Variants in SMOC2 observed in about 807,000 individuals in gnomAD.
SMOC2 encodes the protein SPARC related modular calcium binding 2.
SMOC2 carries 39 observed loss-of-function variants against 61.4 expected under a neutral mutation model. The observed-to-expected ratio is 0.64, with a 90% CI of 0.49 to 0.83. The LOEUF (loss-of-function observed/expected upper bound fraction) is 0.83. Among genes scored for constraint, SMOC2 ranks in the 40% least tolerant of loss-of-function variants. The probability of loss-of-function intolerance (pLI) is 0.00; values close to 1 mark genes in which losing one functional copy is unlikely to be tolerated. For synonymous variants in SMOC2, 247 were observed against 239.9 expected (o/e 1.03, Z -0.27); for missense variants, 556 against 592.9 (o/e 0.94, Z 0.65).
intron 11 of SMOC2, among the ~76,000 whole-genome samples, chr6:168,658,343 C>G (rs1173174543): frequency 6.6e-6 from 1 of 152,192 alleles, no homozygotes; most frequent in Non-Finnish European, 1.5e-5. Flanking sequence ...CTGTAGAAGG[C>G]TAATTTTTAT....
chr6:168,657,260 C>T lies in SMOC2; in HGVS notation c.1285+4032C>T, dbSNP rs1036031261. 3.1e-4 allele frequency among the ~76,000 whole-genome samples: 47 copies of T among 152,236 alleles called. 1 individual carries two copies. Among genetic ancestry groups the T allele is most frequent in the East Asian group, 5.8e-4 (3 of 5,180 alleles). On this transcript the variant is annotated intron_variant, in intron 11 of 12. Transcript: ENST00000356284. ...GAGGTCACAGACAGATGCTGCCATC[C>T]CTGACACTTGCAGACAAGGACACAC...
intron 8 of SMOC2, among the ~76,000 whole-genome samples, chr6:168,599,829 GC>G (rs1248484099): frequency 1.7e-4 from 5 of 29,286 alleles, no homozygotes; most frequent in Admixed American, 1.4e-3. Context: ...ACACACACAC[GC>G]CCCCCACACC....
At chr6:168,563,890 G>T (rs1270032923) in intron 7 of SMOC2, among the ~76,000 whole-genome samples, 3 of 152,196 alleles carry the variant, frequency 2.0e-5, no homozygotes, top group African/African-American at 4.8e-5. Context: ...GCAGAGCTCT[G>T]CGTCTCCGGC....
chr6:168,630,809 G>A (rs1029633176), intron 9 of SMOC2, among the ~76,000 whole-genome samples: 4 of 152,162 alleles, frequency 2.6e-5, no homozygotes, highest in East Asian at 1.9e-4. Flanking sequence ...TCTTACAGTC[G>A]AGATTGCAGA....
chr6:168,468,216 G>A (rs539334731), intron 1 of SMOC2, among the ~76,000 whole-genome samples: 14 of 152,262 alleles, frequency 9.2e-5, no homozygotes, highest in African/African-American at 2.9e-4. Flanking sequence ...GATTTATATC[G>A]AGGGACACAG....
chr6:168,599,106 AG>A, intron 8 of SMOC2, 102 bp downstream of exon 8: 1 of 1,046,010 alleles, frequency 9.6e-7, no homozygotes, highest in Non-Finnish European at 1.4e-6. Flanking sequence ...ACCGACACAC[AG>A]TCACACACAC....
chr6:168,596,399 G>A (rs1354078844), intron 7 of SMOC2, among the ~76,000 whole-genome samples: 2 of 149,962 alleles, frequency 1.3e-5, no homozygotes, highest in African/African-American at 2.5e-5. Flanking sequence ...CAGGTGCCAT[G>A]TGAACACGGC....
In SMOC2 at chr6:168,491,629, A is replaced by C. The variant is rs920360902; in HGVS notation, c.85-18286A>C. ...GATAATAACAATAAACTATTTAATA[A>C]AAATTTAAACCAAAACATTAATTTG... On this transcript the variant is annotated intron_variant, in intron 1 of 12. Coordinates refer to ENST00000356284, the MANE Select transcript of SMOC2 (RefSeq NM_001166412.2). Among the ~76,000 whole-genome samples the C allele has an allele frequency of 2.0e-5, 3 of 152,362 alleles. No homozygotes were observed. The East Asian group carries it at 5.8e-4, about 29-fold the overall frequency.
chr6:168,609,917 G>A (rs1278296061), intron 9 of SMOC2, among the ~76,000 whole-genome samples: 2 of 152,088 alleles, frequency 1.3e-5, no homozygotes, highest in Non-Finnish European at 2.9e-5. Context: ...AGTCAGTTTC[G>A]CTTCTCATTG....
At chr6:168,599,318 CTG>C (rs1418207233) in intron 8 of SMOC2, among the ~76,000 whole-genome samples, 17 of 138,208 alleles carry the variant, frequency 1.2e-4, no homozygotes, top group South Asian at 6.9e-4. Flanking sequence ...CACCCCCACA[CTG>C]TTTCACACAC....
intron 9 of SMOC2, among the ~76,000 whole-genome samples, chr6:168,649,062 T>C (rs1356454452): frequency 1.3e-5 from 2 of 152,278 alleles, no homozygotes; most frequent in East Asian, 3.9e-4. Context: ...CAGCCTGTCC[T>C]GTTGCCTGAG....
At chr6:168,547,668 G>T (rs995280863) in intron 6 of SMOC2, among the ~76,000 whole-genome samples, 16 of 152,014 alleles carry the variant, frequency 1.1e-4, no homozygotes, top group African/African-American at 3.6e-4. Context: ...GATGTGAATT[G>T]CTTGGCTGTA....
intron 1 of SMOC2, among the ~76,000 whole-genome samples, chr6:168,494,022 G>C (rs1583055641): frequency 6.6e-6 from 1 of 152,264 alleles, no homozygotes; most frequent in East Asian, 1.9e-4. Flanking sequence ...TCATTCCGAT[G>C]CCATTGGAAC....
intron 9 of SMOC2, among the ~76,000 whole-genome samples, chr6:168,633,706 C>G (rs555154578): frequency 1.1e-4 from 17 of 152,256 alleles, no homozygotes; most frequent in South Asian, 8.3e-4. Flanking sequence ...GGTGTGAAAG[C>G]AGGAGGGTGT....
At chr6:168,600,480 AT>A (rs1444522629) in intron 8 of SMOC2, among the ~76,000 whole-genome samples, 5 of 149,544 alleles carry the variant, frequency 3.3e-5, no homozygotes, top group Non-Finnish European at 7.4e-5. Flanking sequence ...GGAGGAAACC[AT>A]TTCTTTGATG....
chr6:168,480,363 T>A (rs1782179477), intron 1 of SMOC2, among the ~76,000 whole-genome samples: 1 of 151,812 alleles, frequency 6.6e-6, no homozygotes, highest in African/African-American at 2.4e-5. Context: ...TAAAGAAAGA[T>A]GTGGAGAAAG....
At chr6:168,569,157 C>T (rs1784611304) in intron 7 of SMOC2, among the ~76,000 whole-genome samples, 1 of 152,222 alleles carries the variant, frequency 6.6e-6, no homozygotes, top group Admixed American at 6.5e-5. Flanking sequence ...CGCCATTCTG[C>T]AGTCTCAGCC....
At chr6:168,559,972 A>G (rs1469054587) in intron 7 of SMOC2, among the ~76,000 whole-genome samples, 2 of 152,240 alleles carry the variant, frequency 1.3e-5, no homozygotes, top group Non-Finnish European at 2.9e-5. Context: ...AGTTTAAAAA[A>G]TGTTCATGCA....
At chr6:168,530,071 G>A (rs191548188) in intron 4 of SMOC2, among the ~76,000 whole-genome samples, 4 of 152,184 alleles carry the variant, frequency 2.6e-5, no homozygotes, top group African/African-American at 4.8e-5. Context: ...AGTTAATACC[G>A]AGGTTACCAT....
Sources: allele counts gnomAD v4.1 joint callset (sites outside exome capture counted in the v4.1 genomes callset), GRCh38; gene constraint gnomAD v4.1.1; transcripts MANE v1.5; gene names NCBI Gene and HGNC (gene_info 2026-07-23, HGNC 2026-07-21).